PCED1B: variants seen among roughly 807,000 people sequenced by gnomAD.
PCED1B encodes the protein PC-esterase domain containing 1B, also known as PC-esterase domain-containing protein 1B.
For synonymous variants in PCED1B, 251 were observed against 246.1 expected, an observed-to-expected ratio of 1.02 and a Z score of -0.19; for missense variants, 573 against 573.9, an observed-to-expected ratio of 1.00 and a Z score of 0.02.
intron 2 of PCED1B, among the ~76,000 whole-genome samples, chr12:47,123,582 A>G (rs1939768133): frequency 1.3e-5 from 2 of 152,120 alleles, no homozygotes; most frequent in African/African-American, 4.8e-5. Flanking sequence ...AAAAAAATTA[A>G]TAACAGTTTC....
intron 2 of PCED1B, among the ~76,000 whole-genome samples, chr12:47,202,354 G>A (rs1421069903): frequency 1.3e-5 from 2 of 152,128 alleles, no homozygotes; most frequent in Non-Finnish European, 2.9e-5. Flanking sequence ...GAGCTTCCAG[G>A]TTATGCCAGA....
In PCED1B at chr12:47,116,365, T is replaced by A. The variant is rs898730237; in HGVS notation, c.-526+12170T>A. 3.5e-4 allele frequency among the ~76,000 whole-genome samples: 53 copies of A among 152,180 alleles called. 1 individual carries two copies. The highest frequency in any genetic ancestry group is 8.8e-5 in the Non-Finnish European group (6 of 68,020). ...CTGCAAATAAATTTAATGGAGCAAA[T>A]ACTTTCTAGGTCACAGTATGGGAAA... On this transcript the variant is annotated intron_variant, in intron 2 of 3. Transcript: ENST00000546455.
intron 2 of PCED1B, among the ~76,000 whole-genome samples, chr12:47,107,699 A>T (rs114485281): frequency 1.6e-4 from 24 of 152,262 alleles, no homozygotes; most frequent in Admixed American, 1.6e-3. Context: ...GGGATGAGAG[A>T]ATGCCAGCTG....
intron 2 of PCED1B, among the ~76,000 whole-genome samples, chr12:47,117,930 G>T (rs2137292025): frequency 6.6e-6 from 1 of 152,252 alleles, no homozygotes; most frequent in Middle Eastern, 3.4e-3. Flanking sequence ...GTTTTGATTT[G>T]CATTTCTCTG....
chr12:47,087,196 C>T (rs913087541), intron 1 of PCED1B, among the ~76,000 whole-genome samples: 14 of 152,266 alleles, frequency 9.2e-5, no homozygotes, highest in Admixed American at 2.0e-4. Context: ...AAGGACCTCT[C>T]GAAAGACCCA....
chr12:47,218,323 C>T (rs184165640), intron 3 of PCED1B, among the ~76,000 whole-genome samples: 33 of 144,132 alleles, frequency 2.3e-4, no homozygotes, highest in African/African-American at 9.5e-4. Context: ...TTCATTTCAC[C>T]AGCACAAGAT....
At chr12:47,148,692 A>G (rs1314861525) in intron 2 of PCED1B, among the ~76,000 whole-genome samples, 2 of 152,222 alleles carry the variant, frequency 1.3e-5, no homozygotes, top group Admixed American at 6.5e-5. Flanking sequence ...TACTTTGTCC[A>G]GTTGTTCACC....
At chr12:47,081,534 G>A (rs1937721242) in intron 1 of PCED1B, among the ~76,000 whole-genome samples, 1 of 152,130 alleles carries the variant, frequency 6.6e-6, no homozygotes, top group African/African-American at 2.4e-5. Context: ...TTTATCATAA[G>A]AACACAGCCT....
chr12:47,167,192 A>C (rs757453793), intron 2 of PCED1B, among the ~76,000 whole-genome samples: 1 of 152,008 alleles, frequency 6.6e-6, no homozygotes, highest in Non-Finnish European at 1.5e-5. Flanking sequence ...TTTGTGCCCT[A>C]TTTTTAGAGC....
intron 2 of PCED1B, among the ~76,000 whole-genome samples, chr12:47,136,660 T>A (rs1176777019): frequency 6.6e-6 from 1 of 152,254 alleles, no homozygotes; most frequent in African/African-American, 2.4e-5. Context: ...TTGACAAACT[T>A]TAATTTCCAT....
intron 2 of PCED1B, among the ~76,000 whole-genome samples, chr12:47,194,282 C>T (rs905754312): frequency 6.6e-6 from 1 of 152,202 alleles, no homozygotes; most frequent in African/African-American, 2.4e-5. Context: ...TCAAGTGATT[C>T]TCCTGCCTCA....
At chr12:47,205,960 T>G (rs1240211993) in intron 2 of PCED1B, 2 of 151,904 alleles carry the variant, frequency 1.3e-5, no homozygotes, top group African/African-American at 4.8e-5. Flanking sequence ...GAGAGCAGAG[T>G]TTTTAAGGAC....
At chr12:47,083,886 A>G (rs1937857779) in intron 1 of PCED1B, among the ~76,000 whole-genome samples, 4 of 152,304 alleles carry the variant, frequency 2.6e-5, no homozygotes, top group Middle Eastern at 3.4e-3. Flanking sequence ...TCTGTCTCTT[A>G]TCTTCATTGA....
chr12:47,236,058 G>C lies in PCED1B; in HGVS notation c.995G>C (p.Arg332Pro). The change falls in exon 4 of 4, where the codon CGG becomes CCG. Residue 332 changes from arginine to proline, a missense_variant. Transcript: ENST00000546455. The stretch of plus-strand genomic sequence containing the variant: ...ATTCTCCATCACCAGGGAATGCCCC[G>C]GTTCCCACAGGGTCCCCCAGATGCC... ...PPILHHQGMPRFPQGPPDACF... is the reference protein window; with the variant it reads ...PPILHHQGMPPFPQGPPDACF... 1.9e-6 allele frequency: 3 copies of C among 1,613,586 alleles called. No individual in the cohort carries two copies. The highest frequency in any genetic ancestry group is 2.5e-6 in the Non-Finnish European group (3 of 1,179,940).
At chr12:47,177,400 A>T (rs1310254597) in intron 2 of PCED1B, among the ~76,000 whole-genome samples, 1 of 152,230 alleles carries the variant, frequency 6.6e-6, no homozygotes, top group Admixed American at 6.5e-5. Flanking sequence ...CTGACTGCTA[A>T]TGGGGTGACT....
At chr12:47,225,143 G>A (rs1423117929) in intron 3 of PCED1B, among the ~76,000 whole-genome samples, 7 of 152,102 alleles carry the variant, frequency 4.6e-5, no homozygotes, top group South Asian at 2.1e-4. Flanking sequence ...TGTTGGCCAC[G>A]TTGGTCTCGA....
chr12:47,203,614 T>C (rs1253462284), intron 2 of PCED1B, among the ~76,000 whole-genome samples: 1 of 152,210 alleles, frequency 6.6e-6, no homozygotes, highest in Non-Finnish European at 1.5e-5. Flanking sequence ...GGCTTCCAAC[T>C]CCATCTCTGT....
chr12:47,150,088 T>C (rs1470124365), intron 2 of PCED1B, among the ~76,000 whole-genome samples: 2 of 152,196 alleles, frequency 1.3e-5, no homozygotes, highest in South Asian at 2.1e-4. Flanking sequence ...ATATTGTACA[T>C]CTTAAATGTG....
chr12:47,081,086 T>C (rs1310071578), intron 1 of PCED1B, among the ~76,000 whole-genome samples: 1 of 152,226 alleles, frequency 6.6e-6, no homozygotes, highest in Non-Finnish European at 1.5e-5. Flanking sequence ...CCATTTTTGT[T>C]TAATTCCAAG....
Sources: gnomAD v4.1 joint callset for allele counts (sites outside exome capture counted in the v4.1 genomes callset) on GRCh38, gnomAD v4.1.1 for gene constraint, MANE v1.5 for transcripts, NCBI Gene and HGNC (gene_info 2026-07-23, HGNC 2026-07-21) for gene names.